GNG7: variants seen among roughly 807,000 people sequenced by gnomAD.
The protein encoded by GNG7 is G protein subunit gamma 7.
GNG7 carries 1 observed loss-of-function variant against 4.0 expected under a neutral mutation model. The observed-to-expected ratio is 0.25, with a 90% CI of 0.09 to 1.18. The LOEUF is 1.18. GNG7 is among the 50% of genes most tolerant of loss of function. The pLI is 0.50. For missense variants in GNG7, 86 were observed against 91.9 expected (o/e 0.94, Z 0.26); for synonymous variants, 34 against 36.9 (o/e 0.92, Z 0.29).
rs1972665557 is a variant in GNG7 at position 2,512,176 on chromosome 19, A to AC, written c.*2845dup. The AC allele has an allele frequency of 1.0e-6, 1 of 985,306 alleles. No individual in the cohort carries two copies. Among genetic ancestry groups the AC allele is most frequent in the East Asian group, 1.1e-4 (1 of 8,786 alleles). The allele number at this position is 985,306 out of a possible 1,614,324, so 61.0% of individuals were successfully genotyped here. ...CCCCAAGGCTAGAGCTGCTGCTGCC[A>AC]CCCCCGCCCGCCAGCTCCCCGTCTG... On this transcript the variant is annotated 3_prime_UTR_variant, in exon 5 of 5. Transcript: ENST00000382159. The surrounding 1 kb of genome is among the most constrained non-coding windows in gnomAD (Gnocchi z 4.7).
At chr19:2,635,109 G>A (rs546827249) in intron 2 of GNG7, among the ~76,000 whole-genome samples, 97 of 152,262 alleles carry the variant, frequency 6.4e-4, no homozygotes, top group Non-Finnish European at 5.9e-4. Context: ...GCTGAGCAGC[G>A]TCCCGGGCCT....
At chr19:2,607,321 C>T (rs1433940612) in intron 2 of GNG7, among the ~76,000 whole-genome samples, 1 of 151,408 alleles carries the variant, frequency 6.6e-6, no homozygotes, top group Admixed American at 6.6e-5. Flanking sequence ...AGTTCAAGAC[C>T]AGCCTGGCCA....
chr19:2,678,276 C>T (rs1983643640), intron 1 of GNG7, among the ~76,000 whole-genome samples: 1 of 152,044 alleles, frequency 6.6e-6, no homozygotes, highest in South Asian at 2.1e-4. Context: ...CTGGGGGGAG[C>T]GAGATATACA....
At chr19:2,625,460 C>T (rs1220601511) in intron 2 of GNG7, among the ~76,000 whole-genome samples, 1 of 152,150 alleles carries the variant, frequency 6.6e-6, no homozygotes, top group Non-Finnish European at 1.5e-5. Flanking sequence ...GCGATCTTCC[C>T]ATGTCGGCCT....
chr19:2,579,402 C>G (rs915635727), intron 2 of GNG7, among the ~76,000 whole-genome samples: 4 of 152,208 alleles, frequency 2.6e-5, no homozygotes, highest in African/African-American at 9.7e-5. Flanking sequence ...CCCTGGCCAT[C>G]AGGCTGCCCC....
chr19:2,551,742 G>A (rs896928551), intron 3 of GNG7, among the ~76,000 whole-genome samples: 30 of 143,722 alleles, frequency 2.1e-4, no homozygotes, highest in Admixed American at 6.5e-4. Context: ...GGAGTGCAAC[G>A]GCACGATCTC....
chr19:2,550,691 C>T (rs554504932), intron 3 of GNG7, among the ~76,000 whole-genome samples: 18 of 152,234 alleles, frequency 1.2e-4, no homozygotes, highest in South Asian at 6.2e-4. Context: ...ACTCCAATCC[C>T]GCTCTGCCTC....
rs1972710103 is a variant in GNG7 at position 2,514,952 on chromosome 19, G to C, written c.*70C>G. 4.8e-6 allele frequency: 6 copies of C among 1,261,014 alleles called. No homozygotes were observed. The highest frequency in any genetic ancestry group is 6.9e-6 in the Non-Finnish European group (6 of 873,202). 78.1% of individuals were successfully genotyped at this position (1,261,014 alleles called of 1,614,324 possible). ...CTAATTACTGAATGATGCCCTGCCT[G>C]AGACAGAGACAGAGACAGAGAGAGA... is the stretch of plus-strand genomic sequence containing the variant. On this transcript the variant is annotated 3_prime_UTR_variant, in exon 5 of 5. Coordinates refer to ENST00000382159, the MANE Select transcript of GNG7 (RefSeq NM_052847.3).
rs887625950 is a variant in GNG7, at chr19:2,549,145, G to A, written c.-38+6004C>T. 2.0e-5 allele frequency among the ~76,000 whole-genome samples: 3 copies of A among 152,276 alleles called. No homozygotes were observed. The East Asian group carries it at 5.8e-4, about 29-fold the overall frequency. Reference sequence around the variant, plus strand: ...CCCCGGAGAGAACCCTGACTCCTGTGCCAACCCAACTGTGTCTGGCTCAAC... The same window carrying A: ...CCCCGGAGAGAACCCTGACTCCTGTACCAACCCAACTGTGTCTGGCTCAAC... On this transcript the variant is annotated intron_variant, in intron 3 of 4. Coordinates refer to ENST00000382159, the MANE Select transcript of GNG7 (RefSeq NM_052847.3).
chr19:2,642,940 T>G, intron 2 of GNG7: 1 of 437,650 alleles, frequency 2.3e-6, no homozygotes, highest in Non-Finnish European at 4.5e-6. Flanking sequence ...CTCTCCGGGC[T>G]CTGCACACCT....
intron 2 of GNG7, among the ~76,000 whole-genome samples, chr19:2,577,194 C>G (rs550881282): frequency 6.6e-6 from 1 of 152,266 alleles, no homozygotes; most frequent in African/African-American, 2.4e-5. Context: ...TAGTACGTCA[C>G]GGTTTGTGGG....
chr19:2,688,231 C>T (rs1047532294), intron 1 of GNG7, among the ~76,000 whole-genome samples: 6 of 152,202 alleles, frequency 3.9e-5, no homozygotes, highest in East Asian at 3.8e-4. Flanking sequence ...CCAGCCTGGG[C>T]GACAGAGCGA....
intron 3 of GNG7, among the ~76,000 whole-genome samples, chr19:2,527,342 G>C (rs917565971): frequency 3.9e-5 from 6 of 152,156 alleles, no homozygotes; most frequent in Non-Finnish European, 8.8e-5. Flanking sequence ...GCCCTCATCT[G>C]GGGGTGCAGA....
At chr19:2,696,330 G>GAAAGAAAGAAAGAAAAGAAAGA (rs1913256575) in intron 1 of GNG7, among the ~76,000 whole-genome samples, 1 of 135,254 alleles carries the variant, frequency 7.4e-6, no homozygotes. Context: ...AAGAAAGAAA[G>GAAAGAAAGAAAGAAAAGAAAGA]AAAGAAAGAA....
At chr19:2,571,935 C>A (rs111781392) in intron 2 of GNG7, among the ~76,000 whole-genome samples, 3,151 of 152,128 alleles carry the variant, frequency 0.021, 125 homozygotes, top group African/African-American at 0.072. Context: ...ATATGGGCTA[C>A]CTACCTATCC....
intron 3 of GNG7, among the ~76,000 whole-genome samples, chr19:2,553,660 C>T (rs143594442): frequency 1.4e-4 from 12 of 85,752 alleles, no homozygotes; most frequent in East Asian, 6.6e-4. Context: ...TACATACATG[C>T]ACACGTTACA....
intron 1 of GNG7, among the ~76,000 whole-genome samples, chr19:2,659,592 TAAA>T (rs879035849): frequency 0.065 from 2,838 of 43,406 alleles, 77 homozygotes; most frequent in East Asian, 0.11. Context: ...GACTCCATCT[TAAA>T]AAAAAAAAAA....
At position 2,617,343 on chromosome 19, in the gene GNG7, G is replaced by A. The variant is rs1371672328; in HGVS notation, c.-78+28881C>T. Among the ~76,000 whole-genome samples, 1 of 152,224 alleles carries A rather than the reference G, an allele frequency of 6.6e-6. No homozygotes were observed. Among genetic ancestry groups the A allele is most frequent in the Non-Finnish European group, 1.5e-5 (1 of 68,040 alleles). On this transcript the variant is annotated intron_variant, in intron 2 of 4. Transcript: ENST00000382159. This position sits in a 1 kb window ranked among gnomAD's most constrained non-coding sequence, Gnocchi z 4.7. ...GGAGGCAGAGCTCACCAGCCATCCA[G>A]GCACTGAGCCCGGCCCAGCCCTGCA...
chr19:2,539,394 T>C (rs1442791070), intron 3 of GNG7, among the ~76,000 whole-genome samples: 2 of 151,392 alleles, frequency 1.3e-5, no homozygotes, highest in Non-Finnish European at 2.9e-5. Flanking sequence ...CAACCTTTGC[T>C]TCCTGATTCA....
Sources: allele counts gnomAD v4.1 joint callset (sites outside exome capture counted in the v4.1 genomes callset), GRCh38; gene constraint gnomAD v4.1.1; non-coding constraint Gnocchi (gnomAD v3.1); transcripts MANE v1.5; gene names NCBI Gene and HGNC (gene_info 2026-07-23, HGNC 2026-07-21).